The following PIGF variants were observed in gnomAD, a reference collection of about 807,000 sequenced individuals.
The protein encoded by PIGF is phosphatidylinositol glycan anchor biosynthesis class F.
In PIGF, 23 loss-of-function variants were observed where a neutral mutation model predicts 26.0. The ratio of observed to expected loss-of-function variants is 0.88; its 90% CI spans 0.64 to 1.25. The LOEUF is 1.25. Among genes scored for constraint, PIGF ranks in the 50% most tolerant of loss-of-function variants. The pLI, the probability that PIGF is intolerant of heterozygous loss-of-function variation, is 0.00. For missense variants in PIGF, 278 were observed against 249.9 expected (o/e 1.11, Z -0.76); for synonymous variants, 93 against 92.6 (o/e 1.00, Z -0.03).
intron 4 of PIGF, among the ~76,000 whole-genome samples, chr2:46,606,856 T>G (rs1670237700): frequency 2.0e-5 from 3 of 152,216 alleles, no homozygotes. Context: ...AACCTAGATG[T>G]CCATCAACTG....
intron 4 of PIGF, among the ~76,000 whole-genome samples, chr2:46,608,677 T>G (rs1670300893): frequency 6.6e-6 from 1 of 152,192 alleles, no homozygotes; most frequent in African/African-American, 2.4e-5. Flanking sequence ...GATCTTGTGT[T>G]GTAGGCATGA....
At chr2:46,607,333 C>T (rs181971527) in intron 4 of PIGF, among the ~76,000 whole-genome samples, 91 of 152,200 alleles carry the variant, frequency 6.0e-4, no homozygotes, top group African/African-American at 2.0e-3. Context: ...CCAAGGAAAC[C>T]TTTTCCAAGG....
At chr2:46,584,510 G>A (rs1052445756) in intron 5 of PIGF, among the ~76,000 whole-genome samples, 1 of 152,018 alleles carries the variant, frequency 6.6e-6, no homozygotes, top group Non-Finnish European at 1.5e-5. Context: ...ATACCACCAC[G>A]CACATTCTTT....
chr2:46,581,815 T>G, intron 5 of PIGF: 1 of 501,576 alleles, frequency 2.0e-6, no homozygotes, highest in Non-Finnish European at 3.1e-6. Flanking sequence ...TAGATTTAGT[T>G]TGACGCTCCC....
At chr2:46,590,980 A>G (rs1669706582) in intron 5 of PIGF, among the ~76,000 whole-genome samples, 1 of 152,268 alleles carries the variant, frequency 6.6e-6, no homozygotes, top group African/African-American at 2.4e-5. Context: ...TGCAAGGCAC[A>G]CAATCTGGAT....
intron 5 of PIGF, among the ~76,000 whole-genome samples, chr2:46,585,566 T>C (rs545635225): frequency 6.6e-6 from 1 of 152,286 alleles, no homozygotes; most frequent in Non-Finnish European, 1.5e-5. Flanking sequence ...CTCTTAAAAT[T>C]TGTCATGAAA....
chr2:46,607,157 A>G (rs1670249507), intron 4 of PIGF, among the ~76,000 whole-genome samples: 2 of 152,202 alleles, frequency 1.3e-5, no homozygotes, highest in Non-Finnish European at 2.9e-5. Flanking sequence ...ATACTGTTTT[A>G]AAAAATAACC....
intron 4 of PIGF, among the ~76,000 whole-genome samples, chr2:46,604,757 C>T (rs1240288866): frequency 2.0e-5 from 3 of 150,424 alleles, no homozygotes; most frequent in Non-Finnish European, 4.4e-5. Context: ...GATTAATGGG[C>T]ATGAAAAAGA....
intron 2 of PIGF, chr2:46,614,527 A>C (rs1670545599): frequency 6.4e-6 from 1 of 156,780 alleles, no homozygotes; most frequent in Non-Finnish European, 1.4e-5. Context: ...CATGTTGGAA[A>C]CAAGCATTAC....
intron 4 of PIGF, among the ~76,000 whole-genome samples, chr2:46,606,360 T>C (rs1670222191): frequency 6.6e-6 from 1 of 152,230 alleles, no homozygotes. Flanking sequence ...TAGCATCCTG[T>C]ACACATTTTT....
At chr2:46,591,783 G>C in intron 5 of PIGF, 1 of 1,239,440 alleles carries the variant, frequency 8.1e-7, no homozygotes, top group Non-Finnish European at 1.0e-6. Context: ...CTGTAAAATG[G>C]GTATAAAAAG....
intron 4 of PIGF, among the ~76,000 whole-genome samples, chr2:46,592,883 A>G (rs1290547892): frequency 6.6e-6 from 1 of 152,218 alleles, no homozygotes; most frequent in Non-Finnish European, 1.5e-5. Context: ...CTTTCCCCAC[A>G]GGCAACTGCT....
At chr2:46,595,070 A>G (rs1351240858) in intron 4 of PIGF, among the ~76,000 whole-genome samples, 1 of 151,894 alleles carries the variant, frequency 6.6e-6, no homozygotes, top group Admixed American at 6.6e-5. Context: ...CACAGTTAGG[A>G]TTTTTAAAAA....
intron 4 of PIGF, among the ~76,000 whole-genome samples, chr2:46,602,405 CAAAT>C: frequency 6.6e-6 from 1 of 151,924 alleles, no homozygotes; most frequent in South Asian, 2.1e-4. Context: ...TACAAACATG[CAAAT>C]AAATACATTA....
At position 46,593,228 on chromosome 2, in the gene PIGF, G is replaced by A. The variant is rs550308367; in HGVS notation, c.438-645C>T. Among the ~76,000 whole-genome samples the A allele has an allele frequency of 9.5e-4, 145 of 151,902 alleles. 1 individual carries two copies. The highest frequency in any genetic ancestry group is 3.2e-4 in the Non-Finnish European group (22 of 67,960). On this transcript the variant is annotated intron_variant, in intron 4 of 5. Transcript: ENST00000281382. Reference sequence around the variant, plus strand: ...GCTCACTGCAACCTCAGCCTCCCGGGTTCAAGCGATTCTCCTGCCTCAGAC... The same window carrying A: ...GCTCACTGCAACCTCAGCCTCCCGGATTCAAGCGATTCTCCTGCCTCAGAC...
At chr2:46,587,445 A>C (rs936496243) in intron 5 of PIGF, among the ~76,000 whole-genome samples, 1 of 152,070 alleles carries the variant, frequency 6.6e-6, no homozygotes, top group Non-Finnish European at 1.5e-5. Context: ...AACTGAAAAA[A>C]AAAAACCCAA....
chr2:46,587,572 A>G (rs1433365843), intron 5 of PIGF, among the ~76,000 whole-genome samples: 1 of 152,190 alleles, frequency 6.6e-6, no homozygotes, highest in Admixed American at 6.5e-5. Context: ...AAAATTCAAA[A>G]TCTCCAAATT....
intron 4 of PIGF, among the ~76,000 whole-genome samples, chr2:46,602,171 G>T (rs1030856065): frequency 6.6e-6 from 1 of 151,886 alleles, no homozygotes; most frequent in African/African-American, 2.4e-5. Flanking sequence ...CTACTTCCAA[G>T]TTTCTTTATA....
intron 5 of PIGF, among the ~76,000 whole-genome samples, chr2:46,583,869 T>G (rs1417756569): frequency 1.3e-5 from 2 of 152,208 alleles, no homozygotes; most frequent in African/African-American, 4.8e-5. Context: ...TACAAGATAT[T>G]TGAGTTAATC....
Sources: gnomAD v4.1 joint callset for allele counts (sites outside exome capture counted in the v4.1 genomes callset) on GRCh38, gnomAD v4.1.1 for gene constraint, MANE v1.5 for transcripts, NCBI Gene and HGNC (gene_info 2026-07-23, HGNC 2026-07-21) for gene names.